Variants in ZFHX3 observed in about 807,000 individuals in gnomAD.
ZFHX3 encodes zinc finger homeobox protein 3.
A neutral mutation model predicts 279.1 loss-of-function variants in ZFHX3; 42 were observed. The ratio of observed to expected loss-of-function variants is 0.15; its 90% CI spans 0.12 to 0.19. The LOEUF (loss-of-function observed/expected upper bound fraction) is 0.19, where lower values mean the gene tolerates loss of function less well. Ranked by LOEUF, ZFHX3 falls within the 10% of genes least tolerant of loss-of-function variation. The pLI, the probability that ZFHX3 is intolerant of heterozygous loss-of-function variation, is 1.00. For missense variants in ZFHX3, 4,981 were observed against 4,754.0 expected, an observed-to-expected ratio of 1.05 and a Z score of -1.40; for synonymous variants, 2,293 against 1,957.8, an observed-to-expected ratio of 1.17 and a Z score of -4.52.
intron 3 of ZFHX3, among the ~76,000 whole-genome samples, chr16:73,421,868 A>C (rs972457315): frequency 2.6e-5 from 4 of 152,098 alleles, no homozygotes; most frequent in African/African-American, 9.7e-5. Context: ...CTTGACTTAT[A>C]ATGAGGGAAT....
In ZFHX3 at chr16:73,296,971, A is replaced by G. The variant is rs1160762900; in HGVS notation, c.-1194+21269T>C. Among the ~76,000 whole-genome samples the G allele has an allele frequency of 3.4e-5, 5 of 145,152 alleles. 1 individual carries two copies. The highest frequency in any genetic ancestry group is 7.4e-5 in the Non-Finnish European group (5 of 67,316). On this transcript the variant is annotated intron_variant, in intron 4 of 17. Coordinates refer to the ZFHX3 transcript ENST00000641206. The stretch of plus-strand genomic sequence containing the variant: ...TCGGCTCACTGCAACTCTGCCTCCC[A>G]GGTTCATGCCATTCTCCTGCCTCAG...
intron 5 of ZFHX3, among the ~76,000 whole-genome samples, chr16:73,223,596 T>A (rs763464800): frequency 6.6e-6 from 1 of 152,204 alleles, no homozygotes; most frequent in African/African-American, 2.4e-5. Context: ...TCTCATTTAC[T>A]GCTGATGGGA....
Position 72,960,033 on chromosome 16 carries a change from C to T in ZFHX3, c.113G>A (p.Ser38Asn). Residue 38 changes from serine to asparagine, a missense_variant, in exon 2 of 10, where the codon AGC becomes AAC. By Grantham distance (46) the Ser-to-Asn change is conservative. Coordinates refer to ENST00000268489, the MANE Select transcript of ZFHX3 (RefSeq NM_006885.4). ...NSTHLPDKPS[S>N]MEQSTGESHG... ...GCTCTCGCCTGTGGACTGCTCCATG[C>T]TACTGGGTTTGTCAGGGAGGTGGGT... 2 of 1,614,030 alleles carry T rather than the reference C, an allele frequency of 1.2e-6. No individual in the cohort carries two copies. The highest frequency in any genetic ancestry group is 1.7e-6 in the Non-Finnish European group (2 of 1,179,932).
chr16:73,164,620 A>T (rs12149424), intron 5 of ZFHX3, among the ~76,000 whole-genome samples: 2 of 151,550 alleles, frequency 1.3e-5, no homozygotes, highest in Non-Finnish European at 2.9e-5. Context: ...GAATGGCTTG[A>T]ACCGGGGAGG....
intron 3 of ZFHX3, among the ~76,000 whole-genome samples, chr16:73,432,241 G>A (rs1369529014): frequency 6.6e-6 from 1 of 152,034 alleles, no homozygotes; most frequent in African/African-American, 2.4e-5. Context: ...CTCTCATCCT[G>A]TACCTACTGA....
At chr16:73,397,237 G>A (rs934225318) in intron 3 of ZFHX3, among the ~76,000 whole-genome samples, 1 of 152,214 alleles carries the variant, frequency 6.6e-6, no homozygotes, top group Non-Finnish European at 1.5e-5. Context: ...GAGACCTGAA[G>A]AGTAAGGATT....
intron 1 of ZFHX3, among the ~76,000 whole-genome samples, chr16:73,711,308 G>A (rs1032124002): frequency 9.2e-5 from 14 of 152,014 alleles, no homozygotes; most frequent in Admixed American, 8.5e-4. Context: ...TATAGTCAAC[G>A]CATTCTCGGT....
At chr16:73,319,256 G>A (rs1260725727) in intron 3 of ZFHX3, among the ~76,000 whole-genome samples, 3 of 152,034 alleles carry the variant, frequency 2.0e-5, no homozygotes, top group South Asian at 2.1e-4. Context: ...AAGGTTAGGA[G>A]CATCAAAGGC....
At chr16:73,588,454 A>T (rs2051950465) in intron 2 of ZFHX3, among the ~76,000 whole-genome samples, 2 of 151,980 alleles carry the variant, frequency 1.3e-5, no homozygotes, top group South Asian at 4.2e-4. Context: ...TGGGAGGCCG[A>T]GACAGGTGGA....
intron 4 of ZFHX3, among the ~76,000 whole-genome samples, chr16:72,846,219 A>G (rs2037475981): frequency 6.6e-6 from 1 of 152,222 alleles, no homozygotes; most frequent in Non-Finnish European, 1.5e-5. Flanking sequence ...AGAAAAAGGA[A>G]TCCAGGGAGT....
intron 3 of ZFHX3, among the ~76,000 whole-genome samples, chr16:72,937,424 G>T (rs573706844): frequency 6.6e-6 from 1 of 152,212 alleles, no homozygotes; most frequent in Non-Finnish European, 1.5e-5. Context: ...GGACACAGCC[G>T]ACAGAGTCAG....
rs550960472 is a variant in ZFHX3 at position 72,785,433 on chromosome 16, G to A, written c.*1731C>T. ...GTAAAAAATGTGTCTTTTGGTATAT[G>A]GAATTGTCATTAACATTTGCCTCTC... is the stretch of plus-strand genomic sequence containing the variant. On this transcript the variant is annotated 3_prime_UTR_variant, in exon 10 of 10. Transcript: ENST00000268489. 2 of 152,718 alleles carry A rather than the reference G, an allele frequency of 1.3e-5. No individual in the cohort carries two copies. The highest frequency in any genetic ancestry group is 1.3e-4 in the Admixed American group (2 of 15,302). 9.5% of individuals were successfully genotyped at this position (152,718 alleles called of 1,614,324 possible). A position where few individuals can be genotyped will look rare whatever the true frequency, so the allele number is the denominator to read the frequency against.
chr16:73,574,346 C>G (rs968768806), intron 2 of ZFHX3, among the ~76,000 whole-genome samples: 1 of 108,978 alleles, frequency 9.2e-6, no homozygotes, highest in Non-Finnish European at 1.7e-5. Flanking sequence ...ATTTCTTGGG[C>G]CCCCCCCAGC....
At chr16:73,326,245 T>TAAA (rs909789083) in intron 3 of ZFHX3, among the ~76,000 whole-genome samples, 43 of 152,312 alleles carry the variant, frequency 2.8e-4, no homozygotes, top group African/African-American at 1.0e-3. Context: ...AACGGCCATT[T>TAAA]AAGAATTTGG....
intron 1 of ZFHX3, among the ~76,000 whole-genome samples, chr16:73,708,526 C>T (rs9940978): frequency 6.6e-6 from 1 of 152,200 alleles, no homozygotes; most frequent in African/African-American, 2.4e-5. Flanking sequence ...GAAGAATGTT[C>T]TAGTTCATTC....
At chr16:73,500,689 TACAA>T (rs1567502668) in intron 2 of ZFHX3, among the ~76,000 whole-genome samples, 3 of 51,766 alleles carry the variant, frequency 5.8e-5, no homozygotes, top group Non-Finnish European at 7.5e-5. Context: ...AGTTTTAAAA[TACAA>T]AAAAAAAAAA....
intron 3 of ZFHX3, among the ~76,000 whole-genome samples, chr16:73,377,475 C>A (rs191716725): frequency 4.6e-5 from 7 of 151,996 alleles, no homozygotes; most frequent in Non-Finnish European, 7.4e-5. Flanking sequence ...CAGACCCTTG[C>A]ACATTTAGAT....
At chr16:73,195,709 G>T (rs1339381048) in intron 5 of ZFHX3, among the ~76,000 whole-genome samples, 2 of 152,076 alleles carry the variant, frequency 1.3e-5, no homozygotes, top group South Asian at 2.1e-4. Flanking sequence ...GAGCCACCAC[G>T]CCTGGCCTGT....
chr16:73,659,235 C>T (rs2052754308), intron 2 of ZFHX3, among the ~76,000 whole-genome samples: 1 of 152,108 alleles, frequency 6.6e-6, no homozygotes, highest in African/African-American at 2.4e-5. Flanking sequence ...GCCCTTATGA[C>T]AGGCAGGGAT....
Sources: gnomAD v4.1 joint callset for allele counts (sites outside exome capture counted in the v4.1 genomes callset) on GRCh38, gnomAD v4.1.1 for gene constraint, MANE v1.5 for transcripts, NCBI Gene and HGNC (gene_info 2026-07-23, HGNC 2026-07-21) for gene names.